The following DHX40 variants were observed in gnomAD, a reference collection of about 807,000 sequenced individuals.
DHX40 encodes probable ATP-dependent RNA helicase DHX40.
Under a neutral mutation model 89.6 loss-of-function variants are expected in DHX40, and 28 were observed. The observed-to-expected ratio is 0.31, with a 90% CI of 0.23 to 0.43. The LOEUF is 0.43. Ranked by LOEUF, DHX40 falls within the 20% of genes least tolerant of loss-of-function variation. The pLI is 1.00. For missense variants in DHX40, 457 were observed against 844.0 expected, an observed-to-expected ratio of 0.54 and a Z score of 5.68; for synonymous variants, 226 against 283.6, an observed-to-expected ratio of 0.80 and a Z score of 2.04.
chr17:59,571,993 ATTTAT>A (rs1567861550), intron 3 of DHX40, among the ~76,000 whole-genome samples: 2 of 152,290 alleles, frequency 1.3e-5, no homozygotes, highest in African/African-American at 4.8e-5. Context: ...TTTCAGGTTG[ATTTAT>A]TTTATGTGTT....
rs1389168102 is a variant in DHX40 at position 59,578,191 on chromosome 17, G to A, written c.1073+826G>A. On this transcript the variant is annotated intron_variant, in intron 8 of 17. Transcript: ENST00000251241. ...TAGCTAAGTCTGATTGTCTGTCTCC[G>A]GAAGGCTGAACCTGAATCTCAAAGA... is the stretch of plus-strand genomic sequence containing the variant. Among the ~76,000 whole-genome samples the A allele has an allele frequency of 4.2e-5, 6 of 142,640 alleles. No homozygotes were observed. In the East Asian group the frequency reaches 1.1e-3, roughly 25 times the overall value. The allele number at this position is 142,640 out of a possible 152,430, so 93.6% of individuals were successfully genotyped here. A position where few individuals can be genotyped will look rare whatever the true frequency, so the allele number is the denominator to read the frequency against.
chr17:59,568,193 A>G (rs954486073), intron 2 of DHX40, among the ~76,000 whole-genome samples: 1 of 152,138 alleles, frequency 6.6e-6, no homozygotes, highest in African/African-American at 2.4e-5. Context: ...GTGCTGTTGC[A>G]CTCCAGTCTG....
Position 59,591,971 on chromosome 17 carries a change from C to T in DHX40, c.1582+3918C>T, listed in dbSNP as rs186656969. Among the ~76,000 whole-genome samples, 237 of 151,918 alleles carry T rather than the reference C, an allele frequency of 1.6e-3. 1 individual carries two copies. Among genetic ancestry groups the T allele is most frequent in the African/African-American group, 5.5e-3 (229 of 41,500 alleles). ...GCAGCCTTGACCTCCCGGGCTCAAG[C>T]AATTCTCCCACCTCAGCCTCCTTAG... On this transcript the variant is annotated intron_variant, in intron 12 of 17. Coordinates refer to ENST00000251241, the MANE Select transcript of DHX40 (RefSeq NM_024612.5).
chr17:59,574,974 T>A (rs1383727503), intron 6 of DHX40, among the ~76,000 whole-genome samples: 2 of 152,228 alleles, frequency 1.3e-5, no homozygotes, highest in African/African-American at 2.4e-5. Context: ...TGAGGGATTG[T>A]CACAATCTTT....
chr17:59,580,634 T>TAA (rs567484118), intron 10 of DHX40, among the ~76,000 whole-genome samples: 43 of 103,012 alleles, frequency 4.2e-4, no homozygotes, highest in African/African-American at 1.2e-3. Context: ...TCTCTACAAT[T>TAA]AAAAAAAAAA....
At chr17:59,572,523 C>T (rs934051709) in intron 3 of DHX40, among the ~76,000 whole-genome samples, 1 of 152,142 alleles carries the variant, frequency 6.6e-6, no homozygotes, top group African/African-American at 2.4e-5. Flanking sequence ...GGACTACAGG[C>T]GTGACCCACC....
In DHX40 at chr17:59,587,156, CA is replaced by C. The variant is rs777942147; in HGVS notation, c.1425-727del. The stretch of plus-strand genomic sequence containing the variant: ...GGGAGACGGAGCAAGACCCTGTCTC[CA>C]AAAAAAAAAAAACGGTAAAATTGAA... On this transcript the variant is annotated intron_variant, in intron 11 of 17. Coordinates refer to ENST00000251241, the MANE Select transcript of DHX40 (RefSeq NM_024612.5). Among the ~76,000 whole-genome samples, 673 of 108,444 alleles carry C rather than the reference CA, an allele frequency of 6.2e-3. 1 individual carries two copies. Among genetic ancestry groups the C allele is most frequent in the Admixed American group, 0.015 (163 of 10,734 alleles). The allele number at this position is 108,444 out of a possible 152,430, so 71.1% of individuals were successfully genotyped here. A position where few individuals can be genotyped will look rare whatever the true frequency, so the allele number is the denominator to read the frequency against.
At chr17:59,596,436 T>C (rs2030080888) in intron 12 of DHX40, among the ~76,000 whole-genome samples, 2 of 152,112 alleles carry the variant, frequency 1.3e-5, no homozygotes, top group South Asian at 4.1e-4. Context: ...GGTGTGGTGG[T>C]GTGTGCCTGT....
intron 3 of DHX40, among the ~76,000 whole-genome samples, chr17:59,572,471 C>G (rs975872893): frequency 6.6e-6 from 1 of 152,150 alleles, no homozygotes. Context: ...CTCCGCCTCT[C>G]AGGCTCAAGC....
At chr17:59,569,937 G>A (rs1322237882) in intron 2 of DHX40, among the ~76,000 whole-genome samples, 1 of 140,940 alleles carries the variant, frequency 7.1e-6, no homozygotes, top group Non-Finnish European at 1.5e-5. Flanking sequence ...CCAGCTACTC[G>A]GGAGGCTGAG....
intron 10 of DHX40, 94 bp from the exon 11 acceptor site, chr17:59,586,059 A>G (rs1340603213): frequency 2.3e-5 from 20 of 865,886 alleles, no homozygotes; most frequent in Non-Finnish European, 3.2e-5. Flanking sequence ...AAAAATAGAA[A>G]TAAAACCTTT....
intron 15 of DHX40, 54 bp from the exon 16 acceptor site, chr17:59,605,061 T>TTAC: frequency 6.9e-7 from 1 of 1,446,110 alleles, no homozygotes; most frequent in Admixed American, 1.7e-5. Context: ...AATGCTCCAT[T>TTAC]TACTTCATTG....
Position 59,607,235 on chromosome 17 carries a change from C to T in DHX40, c.*63C>T. On this transcript the variant is annotated 3_prime_UTR_variant, in exon 18 of 18. Transcript: ENST00000251241. The stretch of plus-strand genomic sequence containing the variant: ...GCCAGGAAATGTGCTTCTACTTTGC[C>T]AGTTATTTCAGACAGCACTACCAAG... 6.2e-7 allele frequency: 1 copy of T among 1,614,050 alleles called. No individual in the cohort carries two copies. Among genetic ancestry groups the T allele is most frequent in the Non-Finnish European group, 8.5e-7 (1 of 1,180,020 alleles).
intron 2 of DHX40, among the ~76,000 whole-genome samples, chr17:59,569,033 T>C (rs2048748737): frequency 6.6e-6 from 1 of 151,948 alleles, no homozygotes; most frequent in African/African-American, 2.4e-5. Context: ...GTGGCATATT[T>C]AAGTCCAGTT....
intron 14 of DHX40, among the ~76,000 whole-genome samples, 191 bp from the exon 15 acceptor site, chr17:59,602,331 A>T (rs2030582190): frequency 1.3e-5 from 2 of 152,178 alleles, no homozygotes; most frequent in African/African-American, 4.8e-5. Context: ...GCCTGATATT[A>T]CAGTGTTTTG....
intron 11 of DHX40, among the ~76,000 whole-genome samples, chr17:59,587,346 C>T (rs1336182154): frequency 1.3e-5 from 2 of 150,598 alleles, no homozygotes; most frequent in Non-Finnish European, 3.0e-5. Flanking sequence ...GCCTCAGCCT[C>T]CCAGGTAGCT....
chr17:59,594,864 A>G (rs1184936425), intron 12 of DHX40, among the ~76,000 whole-genome samples: 1 of 151,300 alleles, frequency 6.6e-6, no homozygotes, highest in African/African-American at 2.4e-5. Flanking sequence ...CATTCTTCCT[A>G]CTGTCCTTAC....
At chr17:59,575,767 C>A (rs2048872689) in intron 7 of DHX40, 2 of 307,800 alleles carry the variant, frequency 6.5e-6, no homozygotes, top group East Asian at 8.0e-5. Context: ...GGTGAGAATT[C>A]TTTGAAATGA....
intron 17 of DHX40, 81 bp from the exon 18 acceptor site, chr17:59,606,952 T>C (rs2030898616): frequency 7.6e-7 from 1 of 1,312,208 alleles, no homozygotes; most frequent in African/African-American, 1.5e-5. Flanking sequence ...CACTGAAAAA[T>C]CAGGGCTTCT....
Sources: gnomAD v4.1 joint callset for allele counts (sites outside exome capture counted in the v4.1 genomes callset) on GRCh38, gnomAD v4.1.1 for gene constraint, MANE v1.5 for transcripts, NCBI Gene and HGNC (gene_info 2026-07-23, HGNC 2026-07-21) for gene names.